Variants in SLIT2 observed in about 807,000 individuals in gnomAD.
SLIT2 encodes slit guidance ligand 2.
In SLIT2, 41 loss-of-function variants were observed where a neutral mutation model predicts 185.7. The ratio of observed to expected loss-of-function variants is 0.22; its 90% CI spans 0.17 to 0.29. SLIT2 has a LOEUF of 0.29. Among genes scored for constraint, SLIT2 ranks in the 10% least tolerant of loss-of-function variants. SLIT2 has a pLI of 1.00. For missense variants in SLIT2, 1,571 were observed against 1,909.0 expected (o/e 0.82, Z 3.30); for synonymous variants, 693 against 680.2 (o/e 1.02, Z -0.29).
chr4:20,292,042 T>C (rs1398041361), intron 4 of SLIT2, among the ~76,000 whole-genome samples: 1 of 152,030 alleles, frequency 6.6e-6, no homozygotes, highest in African/African-American at 2.4e-5. Context: ...GTCTTCAGGT[T>C]TGGTGCAAAT....
intron 4 of SLIT2, among the ~76,000 whole-genome samples, chr4:20,335,372 T>G (rs1190767538): frequency 1.3e-5 from 2 of 152,096 alleles, no homozygotes; most frequent in Non-Finnish European, 2.9e-5. Context: ...CAATATAAAG[T>G]AGAAATGAAA....
At chr4:20,554,364 A>G in intron 26 of SLIT2, 2 of 459,406 alleles carry the variant, frequency 4.4e-6, no homozygotes, top group South Asian at 1.5e-5. Context: ...GGCCCTCCCC[A>G]GTGTTCAGCC....
chr4:20,483,566 AT>A (rs1462236764), intron 6 of SLIT2, among the ~76,000 whole-genome samples: 3 of 152,042 alleles, frequency 2.0e-5, no homozygotes, highest in African/African-American at 7.2e-5. Flanking sequence ...TTTTCACAGA[AT>A]GAACATAATT....
intron 5 of SLIT2, among the ~76,000 whole-genome samples, chr4:20,478,822 T>C (rs899521459): frequency 2.0e-5 from 3 of 152,224 alleles, no homozygotes; most frequent in Middle Eastern, 3.4e-3. Flanking sequence ...TGTAGATATA[T>C]ATATAGCACT....
At chr4:20,286,543 C>T (rs1441646541) in intron 4 of SLIT2, among the ~76,000 whole-genome samples, 13 of 152,116 alleles carry the variant, frequency 8.5e-5, no homozygotes, top group South Asian at 2.1e-4. Context: ...GACTCATGCC[C>T]GTAATCCCAG....
At chr4:20,563,456 C>A (rs1318544586) in intron 26 of SLIT2, among the ~76,000 whole-genome samples, 1 of 151,844 alleles carries the variant, frequency 6.6e-6, no homozygotes, top group African/African-American at 2.4e-5. Context: ...AGAACCTCTT[C>A]TGTTTCTTAA....
At chr4:20,577,866 T>C (rs1297276772) in intron 29 of SLIT2, among the ~76,000 whole-genome samples, 3 of 152,156 alleles carry the variant, frequency 2.0e-5, no homozygotes, top group East Asian at 3.8e-4. Flanking sequence ...GGTCCATTCA[T>C]CTTAACCTTC....
At chr4:20,497,020 G>T (rs1297341568) in intron 9 of SLIT2, among the ~76,000 whole-genome samples, 2 of 151,706 alleles carry the variant, frequency 1.3e-5, no homozygotes, top group African/African-American at 2.4e-5. Context: ...AAATTTCCCT[G>T]TTCTGCATAC....
At chr4:20,476,593 A>T (rs1462941325) in intron 5 of SLIT2, among the ~76,000 whole-genome samples, 1 of 152,122 alleles carries the variant, frequency 6.6e-6, no homozygotes. Context: ...AGCACATTTT[A>T]TGTGTCTTCT....
intron 4 of SLIT2, among the ~76,000 whole-genome samples, chr4:20,302,174 C>G (rs961240475): frequency 1.3e-5 from 2 of 152,194 alleles, no homozygotes; most frequent in Non-Finnish European, 2.9e-5. Flanking sequence ...TGCTTTCACT[C>G]ATGTTCGAAT....
intron 18 of SLIT2, among the ~76,000 whole-genome samples, chr4:20,536,557 G>A (rs184742986): frequency 0.033 from 2,049 of 61,912 alleles, 57 homozygotes; most frequent in African/African-American, 0.12. Context: ...AAACTCTGTC[G>A]CAAAAAAAAA....
chr4:20,613,664 T>C (rs181613461), intron 34 of SLIT2, among the ~76,000 whole-genome samples: 1 of 151,620 alleles, frequency 6.6e-6, no homozygotes, highest in African/African-American at 2.4e-5. Context: ...TGGTGGGGAG[T>C]GTAACCCTCA....
intron 4 of SLIT2, among the ~76,000 whole-genome samples, chr4:20,327,241 T>G (rs1446788699): frequency 2.6e-5 from 4 of 151,966 alleles, no homozygotes; most frequent in Non-Finnish European, 5.9e-5. Context: ...ATTATGACAT[T>G]AAACATGGGC....
At chr4:20,514,239 T>C (rs1719998137) in intron 11 of SLIT2, among the ~76,000 whole-genome samples, 1 of 152,212 alleles carries the variant, frequency 6.6e-6, no homozygotes, top group East Asian at 1.9e-4. Flanking sequence ...TTTCTAGAAC[T>C]GTACTCAAGA....
chr4:20,301,334 GTC>G (rs1380143818), intron 4 of SLIT2, among the ~76,000 whole-genome samples: 1 of 152,112 alleles, frequency 6.6e-6, no homozygotes, highest in Admixed American at 6.6e-5. Flanking sequence ...GTATGAGAAT[GTC>G]TCTTTTTTGC....
intron 4 of SLIT2, among the ~76,000 whole-genome samples, chr4:20,290,810 G>A (rs1421095535): frequency 6.9e-6 from 1 of 145,378 alleles, no homozygotes. Flanking sequence ...GTTAGCATTT[G>A]TATTAATATC....
rs1370595192 is a variant in SLIT2 at position 20,251,958 on chromosome 4, G to A, written c.-1858G>A. On this transcript the variant is annotated 5_prime_UTR_variant, in exon 1 of 37. The change creates a new upstream start codon in the 5' untranslated region. Transcript: ENST00000504154. ...CGGACGGCGGAGCTTGGCGGCGGCG[G>A]TGGTGGTGGCTGCCGCAGACTGTGG... is the stretch of plus-strand genomic sequence containing the variant. Among the ~76,000 whole-genome samples the A allele has an allele frequency of 1.3e-5, 2 of 152,152 alleles. No individual in the cohort carries two copies. The highest frequency in any genetic ancestry group is 3.9e-4 in the East Asian group (2 of 5,168).
intron 11 of SLIT2, among the ~76,000 whole-genome samples, chr4:20,518,557 GTA>G (rs1159322360): frequency 0.058 from 1,042 of 17,822 alleles, 97 homozygotes; most frequent in African/African-American, 0.13. Context: ...CAGCCTATAT[GTA>G]TATATATATA....
intron 4 of SLIT2, among the ~76,000 whole-genome samples, chr4:20,431,562 G>A (rs1728981073): frequency 6.6e-6 from 1 of 152,020 alleles, no homozygotes; most frequent in South Asian, 2.1e-4. Flanking sequence ...TCCTTCCCCA[G>A]TGGGAACAAA....
Sources: allele counts gnomAD v4.1 joint callset (sites outside exome capture counted in the v4.1 genomes callset), GRCh38; gene constraint gnomAD v4.1.1; transcripts MANE v1.5; gene names NCBI Gene and HGNC (gene_info 2026-07-23, HGNC 2026-07-21).